Variants in GALNT13 observed in about 807,000 individuals in gnomAD.
The protein encoded by GALNT13 is UDP-GalNAc:polypeptide N-acetylgalactosaminyltransferase 13.
Under a neutral mutation model 64.2 loss-of-function variants are expected in GALNT13, and 28 were observed. The ratio of observed to expected loss-of-function variants is 0.44; its 90% CI spans 0.32 to 0.60. The LOEUF is 0.60. GALNT13 is among the 20% of genes least tolerant of loss of function. The pLI is 0.05. For missense variants in GALNT13, 577 were observed against 669.8 expected (o/e 0.86, Z 1.53); for synonymous variants, 214 against 224.6 (o/e 0.95, Z 0.42).
intron 4 of GALNT13, among the ~76,000 whole-genome samples, chr2:154,149,819 G>A (rs1029936473): frequency 6.6e-6 from 1 of 152,190 alleles, no homozygotes; most frequent in African/African-American, 2.4e-5. Context: ...AGCTTAAGGA[G>A]ATTTTGGGCT....
the GALNT13 span, among the ~76,000 whole-genome samples, chr2:153,783,562 C>T: frequency 6.6e-6 from 1 of 152,020 alleles, no homozygotes; most frequent in Non-Finnish European, 1.5e-5. Flanking sequence ...GACTTCACAC[C>T]CTTTTATCTG....
chr2:154,122,329 A>C (rs1681996324), intron 3 of GALNT13, among the ~76,000 whole-genome samples: 1 of 151,986 alleles, frequency 6.6e-6, no homozygotes, highest in Non-Finnish European at 1.5e-5. Flanking sequence ...TTGCTGTTTT[A>C]GTACCATTTT....
intron 4 of GALNT13, among the ~76,000 whole-genome samples, chr2:154,212,544 C>T (rs1239414612): frequency 2.0e-5 from 3 of 152,110 alleles, no homozygotes; most frequent in East Asian, 3.9e-4. Flanking sequence ...GTGCCCAGCC[C>T]AGGCAATTTA....
intron 9 of GALNT13, among the ~76,000 whole-genome samples, chr2:154,366,591 A>AT (rs1369455836): frequency 6.6e-6 from 1 of 152,178 alleles, no homozygotes; most frequent in Non-Finnish European, 1.5e-5. Context: ...GTGAGCATTA[A>AT]TTTTTAACAT....
chr2:154,097,484 C>T (rs1702133705), intron 3 of GALNT13, among the ~76,000 whole-genome samples: 1 of 151,862 alleles, frequency 6.6e-6, no homozygotes, highest in Admixed American at 6.6e-5. Context: ...TCTTGATAAA[C>T]CTAACATAAA....
At chr2:153,951,231 A>G (rs993281682) in intron 3 of GALNT13, among the ~76,000 whole-genome samples, 1 of 152,116 alleles carries the variant, frequency 6.6e-6, no homozygotes, top group Non-Finnish European at 1.5e-5. Flanking sequence ...GGATAACTAA[A>G]TAAGTGAATA....
At chr2:153,254,871 G>C in the GALNT13 span, among the ~76,000 whole-genome samples, 1 of 152,136 alleles carries the variant, frequency 6.6e-6, no homozygotes, top group Non-Finnish European at 1.5e-5. Flanking sequence ...CATTTGCTGA[G>C]GAGAGCTTTA....
At chr2:153,779,918 C>T in the GALNT13 span, among the ~76,000 whole-genome samples, 2 of 152,054 alleles carry the variant, frequency 1.3e-5, no homozygotes, top group Admixed American at 6.6e-5. Context: ...CTTCACTGTT[C>T]AGCTTCGTTT....
At chr2:153,809,611 G>A in the GALNT13 span, among the ~76,000 whole-genome samples, 39 of 152,204 alleles carry the variant, frequency 2.6e-4, no homozygotes, top group African/African-American at 8.4e-4. Flanking sequence ...AATCAAAAAG[G>A]AAATGTGATT....
chr2:154,059,729 T>A (rs1471715800), intron 3 of GALNT13, among the ~76,000 whole-genome samples: 4 of 63,572 alleles, frequency 6.3e-5, no homozygotes, highest in Non-Finnish European at 1.4e-4. Flanking sequence ...ATTTCCAGTA[T>A]GTTAAATACA....
At chr2:153,472,420 C>G in the GALNT13 span, among the ~76,000 whole-genome samples, 1 of 152,176 alleles carries the variant, frequency 6.6e-6, no homozygotes, top group East Asian at 1.9e-4. Flanking sequence ...TATATACCTT[C>G]CCTTACATGT....
chr2:153,281,117 T>G, the GALNT13 span, among the ~76,000 whole-genome samples: 1 of 152,184 alleles, frequency 6.6e-6, no homozygotes, highest in Non-Finnish European at 1.5e-5. Context: ...ATATTATGTC[T>G]TTCTTTGTCC....
the GALNT13 span, among the ~76,000 whole-genome samples, chr2:153,580,182 T>C: frequency 6.6e-6 from 1 of 152,142 alleles, no homozygotes; most frequent in African/African-American, 2.4e-5. Flanking sequence ...AGGTAAAAAT[T>C]CACCATTTAT....
chr2:153,604,051 A>G, the GALNT13 span, among the ~76,000 whole-genome samples: 10 of 152,022 alleles, frequency 6.6e-5, no homozygotes, highest in African/African-American at 9.7e-5. Flanking sequence ...TTCACCATCA[A>G]TGCATTACTT....
intron 10 of GALNT13, among the ~76,000 whole-genome samples, chr2:154,403,450 C>T (rs1026496786): frequency 6.7e-6 from 1 of 150,250 alleles, no homozygotes; most frequent in South Asian, 2.1e-4. Flanking sequence ...AGCTGGACTC[C>T]GTCTCAAAAA....
chr2:153,351,238 G>A, the GALNT13 span, among the ~76,000 whole-genome samples: 1 of 152,098 alleles, frequency 6.6e-6, no homozygotes, highest in Non-Finnish European at 1.5e-5. Context: ...TAGTTAATTT[G>A]TCTAGGAAAC....
chr2:153,765,242 G>T, the GALNT13 span, among the ~76,000 whole-genome samples: 1 of 152,138 alleles, frequency 6.6e-6, no homozygotes, highest in Non-Finnish European at 1.5e-5. Context: ...TGCAGACAAC[G>T]CCAGCCTGTG....
At chr2:153,213,982 C>A in the GALNT13 span, among the ~76,000 whole-genome samples, 2 of 152,142 alleles carry the variant, frequency 1.3e-5, no homozygotes, top group African/African-American at 4.8e-5. Flanking sequence ...CATTCTTATG[C>A]AACCCCGATG....
intron 4 of GALNT13, among the ~76,000 whole-genome samples, chr2:154,215,544 A>G (rs538746681): frequency 6.6e-6 from 1 of 152,198 alleles, no homozygotes; most frequent in Non-Finnish European, 1.5e-5. Flanking sequence ...TCTGCCTGAA[A>G]TGTCTTTCTT....
Sources: allele counts gnomAD v4.1 joint callset (sites outside exome capture counted in the v4.1 genomes callset), GRCh38; gene constraint gnomAD v4.1.1; transcripts MANE v1.5; gene names NCBI Gene and HGNC (gene_info 2026-07-23, HGNC 2026-07-21).